MOB1B: variants seen among roughly 807,000 people sequenced by gnomAD.
MOB1B encodes MOB1 Mps One Binder homolog B.
Under a neutral mutation model 24.4 loss-of-function variants are expected in MOB1B, and 19 were observed. The ratio of observed to expected loss-of-function variants is 0.78; its 90% confidence interval spans 0.54 to 1.14. The LOEUF (loss-of-function observed/expected upper bound fraction) is 1.14. MOB1B is among the 50% of genes most tolerant of loss of function. The pLI is 0.00. For missense variants in MOB1B, 243 were observed against 259.6 expected (o/e 0.94, Z 0.44); for synonymous variants, 76 against 82.1 (o/e 0.93, Z 0.40).
chr4:70,916,890 T>C (rs1736217528), intron 1 of MOB1B, among the ~76,000 whole-genome samples: 1 of 152,198 alleles, frequency 6.6e-6, no homozygotes, highest in South Asian at 2.1e-4. Context: ...TTCTATAATC[T>C]TCATTGGATG....
At chr4:70,954,842 A>G (rs1737975721) in intron 1 of MOB1B, among the ~76,000 whole-genome samples, 1 of 148,738 alleles carries the variant, frequency 6.7e-6, no homozygotes, top group Non-Finnish European at 1.5e-5. Context: ...TATGTCTATA[A>G]TCCCAGCTAC....
intron 1 of MOB1B, among the ~76,000 whole-genome samples, chr4:70,953,984 A>G (rs916839508): frequency 6.6e-6 from 1 of 152,010 alleles, no homozygotes; most frequent in Non-Finnish European, 1.5e-5. Flanking sequence ...AATGGGGAGT[A>G]GAACCTTGTT....
At chr4:70,968,729 C>A (rs1248340287) in intron 2 of MOB1B, among the ~76,000 whole-genome samples, 2 of 152,178 alleles carry the variant, frequency 1.3e-5, no homozygotes, top group African/African-American at 2.4e-5. Flanking sequence ...GTTCTCCTGT[C>A]TCAGCCTTCT....
chr4:70,963,656 C>G (rs538264665), intron 2 of MOB1B, among the ~76,000 whole-genome samples: 1 of 151,654 alleles, frequency 6.6e-6, no homozygotes, highest in South Asian at 2.1e-4. Flanking sequence ...TCCATCTCTA[C>G]CAAAAATAAA....
intron 1 of MOB1B, among the ~76,000 whole-genome samples, chr4:70,930,182 A>AT (rs1736834304): frequency 6.6e-6 from 1 of 152,214 alleles, no homozygotes; most frequent in Admixed American, 6.5e-5. Context: ...AAACTGAGAT[A>AT]TTTAACTCAG....
intron 1 of MOB1B, among the ~76,000 whole-genome samples, chr4:70,911,921 G>A (rs1736002020): frequency 6.8e-6 from 1 of 146,630 alleles, no homozygotes; most frequent in Non-Finnish European, 1.5e-5. Context: ...TTTTGAGACA[G>A]GGTCTCATTC....
intron 1 of MOB1B, among the ~76,000 whole-genome samples, chr4:70,910,948 T>G (rs1272181940): frequency 6.6e-6 from 1 of 152,086 alleles, no homozygotes; most frequent in Non-Finnish European, 1.5e-5. Context: ...CCACCACGCC[T>G]GGCTAATTTT....
chr4:70,909,522 A>C (rs911540408), intron 1 of MOB1B, among the ~76,000 whole-genome samples: 7 of 152,184 alleles, frequency 4.6e-5, no homozygotes, highest in African/African-American at 1.4e-4. Flanking sequence ...AACATTAAAA[A>C]AAAATAACAA....
intron 3 of MOB1B, among the ~76,000 whole-genome samples, chr4:70,970,444 T>G (rs890690738): frequency 6.6e-6 from 1 of 152,252 alleles, no homozygotes; most frequent in Non-Finnish European, 1.5e-5. Flanking sequence ...TAACTTTTTT[T>G]ACCTTTGTAA....
intron 4 of MOB1B, chr4:70,976,622 A>ATT (rs201518216): frequency 2.0e-6 from 2 of 980,890 alleles, no homozygotes; most frequent in Non-Finnish European, 2.4e-6. Context: ...ACATTTTACG[A>ATT]TTTTTTTTGA....
At chr4:70,931,822 G>A (rs563205632) in intron 1 of MOB1B, among the ~76,000 whole-genome samples, 2 of 152,036 alleles carry the variant, frequency 1.3e-5, no homozygotes, top group African/African-American at 2.4e-5. Flanking sequence ...CCTCGAACTC[G>A]TGGGCTCAAG....
chr4:70,907,667 C>T (rs1274710349), intron 1 of MOB1B, among the ~76,000 whole-genome samples: 1 of 151,984 alleles, frequency 6.6e-6, no homozygotes, highest in African/African-American at 2.4e-5. Flanking sequence ...CCATCTCTAC[C>T]AAAAAACATT....
At chr4:70,923,414 G>A (rs1736516427) in intron 1 of MOB1B, among the ~76,000 whole-genome samples, 1 of 152,098 alleles carries the variant, frequency 6.6e-6, no homozygotes, top group Non-Finnish European at 1.5e-5. Flanking sequence ...TGTTTCCCAG[G>A]CTGGTCTCCA....
chr4:70,985,482 T>C lies in MOB1B; in HGVS notation c.*3425T>C, dbSNP rs528455503. On this transcript the variant is annotated 3_prime_UTR_variant, in exon 6 of 6. Transcript: ENST00000309395. ...TCATCATTTTAGTTACACTAAACAC[T>C]TTTGGCAGCTTAATATGACCTTTTT... 3.3e-5 allele frequency: 5 copies of C among 152,166 alleles called. No homozygotes were observed. Among genetic ancestry groups the C allele is most frequent in the Non-Finnish European group, 7.4e-5 (5 of 68,024 alleles). 9.4% of individuals were successfully genotyped at this position (152,166 alleles called of 1,614,324 possible).
At chr4:70,978,434 G>A (rs1739084647) in intron 4 of MOB1B, among the ~76,000 whole-genome samples, 1 of 152,124 alleles carries the variant, frequency 6.6e-6, no homozygotes, top group African/African-American at 2.4e-5. Flanking sequence ...TTTCCTTTGG[G>A]TATATGCCTA....
intron 5 of MOB1B, 108 bp from the exon 6 acceptor site, chr4:70,981,872 T>G (rs573755132): frequency 1.4e-5 from 10 of 724,412 alleles, no homozygotes; most frequent in East Asian, 7.9e-5. Flanking sequence ...TCTACTTTTA[T>G]GTACTTCAAA....
upstream of MOB1B, chr4:70,902,299 C>T: frequency 3.4e-6 from 2 of 592,796 alleles, no homozygotes; most frequent in South Asian, 1.9e-5. Context: ...CCTGCCCCGC[C>T]TCCCTTTCCT....
At chr4:70,947,783 ATT>A (rs1737647058) in intron 1 of MOB1B, among the ~76,000 whole-genome samples, 1 of 151,944 alleles carries the variant, frequency 6.6e-6, no homozygotes, top group African/African-American at 2.4e-5. Flanking sequence ...CACCCAGATA[ATT>A]TTTTGTAGAG....
chr4:70,976,128 C>G (rs1738984266), intron 4 of MOB1B: 1 of 770,466 alleles, frequency 1.3e-6, no homozygotes, highest in Non-Finnish European at 1.6e-6. Flanking sequence ...TCTCGAACTC[C>G]TGACCTCAAG....
Sources: allele counts gnomAD v4.1 joint callset (sites outside exome capture counted in the v4.1 genomes callset), GRCh38; gene constraint gnomAD v4.1.1; transcripts MANE v1.5; gene names NCBI Gene and HGNC (gene_info 2026-07-23, HGNC 2026-07-21).